The following TBXAS1 variants were observed in gnomAD, a reference collection of about 807,000 sequenced individuals.
TBXAS1 encodes the protein thromboxane-A synthase.
A neutral mutation model predicts 60.7 loss-of-function variants in TBXAS1; 48 were observed. The ratio of observed to expected loss-of-function variants is 0.79; its 90% CI spans 0.63 to 1.01. The LOEUF (loss-of-function observed/expected upper bound fraction) is 1.01. Ranked by LOEUF, TBXAS1 falls within the 50% of genes least tolerant of loss-of-function variation. The pLI is 0.00. For missense variants in TBXAS1, 685 were observed against 686.3 expected, an observed-to-expected ratio of 1.00 and a Z score of 0.02; for synonymous variants, 287 against 269.7, an observed-to-expected ratio of 1.06 and a Z score of -0.63.
upstream of TBXAS1, among the ~76,000 whole-genome samples, chr7:139,828,058 C>A (rs557210687): frequency 2.0e-5 from 3 of 152,248 alleles, no homozygotes; most frequent in East Asian, 3.9e-4. Context: ...TTCCTTGATT[C>A]TTCCCCCAAA....
intron 9 of TBXAS1, chr7:139,963,177 C>A (rs1466283563): frequency 6.6e-6 from 1 of 152,218 alleles, no homozygotes; most frequent in Non-Finnish European, 1.5e-5. Context: ...ATTGTCTTAA[C>A]TTTAGGCTCA....
intron 10 of TBXAS1, among the ~76,000 whole-genome samples, chr7:140,009,620 C>A (rs1814387143): frequency 7.4e-6 from 1 of 135,152 alleles, no homozygotes; most frequent in South Asian, 2.6e-4. Context: ...CCCACACCCG[C>A]CCCACACCTG....
chr7:139,955,544 T>C lies in TBXAS1; in HGVS notation c.625T>C (p.Phe209Leu). 6.2e-7 allele frequency: 1 copy of C among 1,614,222 alleles called. No individual in the cohort carries two copies. The highest frequency in any genetic ancestry group is 8.5e-7 in the Non-Finnish European group (1 of 1,180,032). Reference sequence around the variant, plus strand: ...CTCCTGGCAGGCCCCTGAGGATCCCTTTGTGAAACACTGCAAGCGTTTCTT... The same window carrying C: ...CTCCTGGCAGGCCCCTGAGGATCCCCTTGTGAAACACTGCAAGCGTTTCTT... Reference protein sequence around the residue: ...VDSWQAPEDPFVKHCKRFFEF... With the variant: ...VDSWQAPEDPLVKHCKRFFEF... Residue 209 changes from phenylalanine to leucine, a missense_variant, in exon 7 of 13, where the codon TTT becomes CTT. Coordinates refer to ENST00000448866, the MANE Select transcript of TBXAS1 (RefSeq NM_001061.7).
intron 4 of TBXAS1, among the ~76,000 whole-genome samples, chr7:139,800,137 A>G (rs1797679707): frequency 6.6e-6 from 1 of 152,056 alleles, no homozygotes; most frequent in Admixed American, 6.6e-5. Flanking sequence ...CTCTGGAAGA[A>G]CCTCCTGACA....
At chr7:139,857,729 A>ATTTTT (rs544006307) in intron 1 of TBXAS1, among the ~76,000 whole-genome samples, 2 of 139,650 alleles carry the variant, frequency 1.4e-5, no homozygotes, top group African/African-American at 5.3e-5. Context: ...TTTCTTCTTA[A>ATTTTT]TTTTTTTTTT....
chr7:139,870,417 C>T (rs1357519026), intron 1 of TBXAS1, among the ~76,000 whole-genome samples: 2 of 152,128 alleles, frequency 1.3e-5, no homozygotes, highest in African/African-American at 2.4e-5. Context: ...AAGAAATGAA[C>T]ATAGACACGA....
In TBXAS1 at chr7:140,017,675, A is replaced by G; in HGVS notation, c.1369A>G (p.Thr457Ala). The change falls in exon 12 of 13, where the codon ACG (threonine) becomes GCG (alanine). Residue 457 changes from threonine to alanine, a missense_variant. Physicochemically the swap from Thr to Ala is moderately conservative, Grantham distance 58. Coordinates refer to ENST00000448866, the MANE Select transcript of TBXAS1 (RefSeq NM_001061.7). The stretch of plus-strand genomic sequence containing the variant: ...CCTGACCACACGGACCTGCAGGTTC[A>G]CGGCTGAGGCCCGGCAGCAGCACCG... Reference protein sequence around the residue: ...SPETFNPERFTAEARQQHRPF... With the variant: ...SPETFNPERFAAEARQQHRPF... 1.9e-6 allele frequency: 3 copies of G among 1,612,964 alleles called. No homozygotes were observed. The highest frequency in any genetic ancestry group is 1.7e-6 in the Non-Finnish European group (2 of 1,179,748).
In TBXAS1 at chr7:139,861,772, A is replaced by G. The variant is rs1800984935; in HGVS notation, c.90-10463A>G. On this transcript the variant is annotated intron_variant, in intron 1 of 12. Coordinates refer to ENST00000448866, the MANE Select transcript of TBXAS1 (RefSeq NM_001061.7). The stretch of plus-strand genomic sequence containing the variant: ...TTTGGTCCATTGCAATTATTATTTT[A>G]TGGAGCAAATTGTCCATGTATCAGT... Among the ~76,000 whole-genome samples the G allele has an allele frequency of 2.0e-5, 3 of 152,230 alleles. 1 individual carries two copies. The South Asian group carries it at 6.2e-4, about 32-fold the overall frequency.
chr7:140,017,952 G>C, intron 12 of TBXAS1, 119 bp downstream of exon 12: 3 of 1,398,150 alleles, frequency 2.1e-6, no homozygotes, highest in Non-Finnish European at 3.0e-6. Flanking sequence ...GTGAGCTTGG[G>C]CAAGCTCCTT....
At chr7:139,882,105 GTACTATT>G in intron 3 of TBXAS1, among the ~76,000 whole-genome samples, 1 of 152,170 alleles carries the variant, frequency 6.6e-6, no homozygotes. Context: ...TCATGTTTAT[GTACTATT>G]TAGATGGGGT....
At chr7:139,828,306 A>T (rs1798504628), upstream of TBXAS1, among the ~76,000 whole-genome samples, 1 of 152,164 alleles carries the variant, frequency 6.6e-6, no homozygotes, top group Admixed American at 6.5e-5. Flanking sequence ...ACATTTCTAA[A>T]AGTGTGTCCA....
At chr7:139,991,552 T>C (rs963317024) in intron 9 of TBXAS1, among the ~76,000 whole-genome samples, 6 of 152,286 alleles carry the variant, frequency 3.9e-5, no homozygotes, top group African/African-American at 1.4e-4. Flanking sequence ...GCACGCAGGC[T>C]GCTAAGGGGA....
At chr7:139,814,583 C>T (rs1585545254) in intron 4 of TBXAS1, among the ~76,000 whole-genome samples, 1 of 152,040 alleles carries the variant, frequency 6.6e-6, no homozygotes, top group East Asian at 1.9e-4. Context: ...TCTGGAGTTC[C>T]AATGAGAGAG....
chr7:139,893,271 T>A (rs570771411), intron 3 of TBXAS1, among the ~76,000 whole-genome samples: 2 of 151,374 alleles, frequency 1.3e-5, no homozygotes, highest in African/African-American at 4.9e-5. Context: ...TGGGGAGAGA[T>A]GATTTTGCCA....
At chr7:139,893,908 C>T (rs527344362) in intron 3 of TBXAS1, among the ~76,000 whole-genome samples, 1 of 152,246 alleles carries the variant, frequency 6.6e-6, no homozygotes, top group East Asian at 1.9e-4. Flanking sequence ...ATATTTTTCC[C>T]CCTTGCTGCC....
intron 10 of TBXAS1, among the ~76,000 whole-genome samples, chr7:140,008,217 C>T (rs767550911): frequency 3.3e-5 from 5 of 152,206 alleles, no homozygotes; most frequent in Non-Finnish European, 5.9e-5. Context: ...CAATTGTAGA[C>T]ATTGTCCAAA....
At chr7:139,984,605 TAAG>T (rs1812206624) in intron 9 of TBXAS1, among the ~76,000 whole-genome samples, 1 of 25,874 alleles carries the variant, frequency 3.9e-5, no homozygotes, top group African/African-American at 1.7e-4. Context: ...AATAAAAAAA[TAAG>T]AAAGAAAGAG....
intron 4 of TBXAS1, among the ~76,000 whole-genome samples, chr7:139,819,931 A>G (rs1373483745): frequency 6.6e-6 from 1 of 151,646 alleles, no homozygotes; most frequent in African/African-American, 2.4e-5. Context: ...GAGAGTTTCT[A>G]TTATTGGGCC....
intron 3 of TBXAS1, among the ~76,000 whole-genome samples, chr7:139,905,172 G>A (rs1308516932): frequency 1.3e-5 from 2 of 151,764 alleles, no homozygotes; most frequent in Non-Finnish European, 2.9e-5. Flanking sequence ...AGTGGTGGGA[G>A]TGGGCATCCT....
Sources: gnomAD v4.1 joint callset for allele counts (sites outside exome capture counted in the v4.1 genomes callset) on GRCh38, gnomAD v4.1.1 for gene constraint, MANE v1.5 for transcripts, NCBI Gene and HGNC (gene_info 2026-07-23, HGNC 2026-07-21) for gene names.